The following ZFP1 variants were observed in gnomAD, a reference collection of about 807,000 sequenced individuals.
ZFP1 encodes the protein zinc finger protein 1 homolog.
Under a neutral mutation model 38.5 loss-of-function variants are expected in ZFP1, and 32 were observed. The ratio of observed to expected loss-of-function variants is 0.83; its 90% CI spans 0.63 to 1.12. The LOEUF (loss-of-function observed/expected upper bound fraction) is 1.12, where lower values mean the gene tolerates loss of function less well. Ranked by LOEUF, ZFP1 falls within the 50% of genes most tolerant of loss-of-function variation. The pLI, the probability that ZFP1 is intolerant of heterozygous loss-of-function variation, is 0.00. For missense variants in ZFP1, 616 were observed against 480.8 expected (o/e 1.28, Z -2.63); for synonymous variants, 245 against 168.8 (o/e 1.45, Z -3.50).
the ZFP1 span, among the ~76,000 whole-genome samples, chr16:75,135,875 C>G: frequency 6.6e-6 from 1 of 152,176 alleles, no homozygotes; most frequent in Non-Finnish European, 1.5e-5. Flanking sequence ...AGTACAGTGG[C>G]CCAATCTTGG....
At chr16:75,127,750 A>T in the ZFP1 span, 1 of 152,232 alleles carries the variant, frequency 6.6e-6, no homozygotes, top group African/African-American at 2.4e-5. Flanking sequence ...AATTAACTGC[A>T]TGGACTAAAC....
rs552810415 is a variant in ZFP1, at chr16:75,163,149, C to T, written c.16-3621C>T. Among the ~76,000 whole-genome samples, 6 of 151,922 alleles carry T rather than the reference C, an allele frequency of 3.9e-5. No homozygotes were observed. The East Asian group carries it at 9.8e-4, about 25-fold the overall frequency. On this transcript the variant is annotated intron_variant, in intron 2 of 3. Coordinates refer to ENST00000570010, the MANE Select transcript of ZFP1 (RefSeq NM_153688.4). ...GTCTCGAACTCCTGACCTCGTGATC[C>T]ACCTGCCTCGGCCTCCCAAAGTGTT...
chr16:75,155,632 A>G (rs7501186), intron 2 of ZFP1, among the ~76,000 whole-genome samples: 119,075 of 152,094 alleles, frequency 0.78, 47,794 homozygotes, highest in Non-Finnish European at 0.87. Flanking sequence ...AAGAATAATA[A>G]TAAAATGGGT....
At chr16:75,140,289 C>T in the ZFP1 span, among the ~76,000 whole-genome samples, 1 of 151,648 alleles carries the variant, frequency 6.6e-6, no homozygotes, top group Non-Finnish European at 1.5e-5. Context: ...AAAGTTGAGG[C>T]CAGGTGTGGT....
At chr16:75,156,512 G>A (rs1237097546) in intron 2 of ZFP1, among the ~76,000 whole-genome samples, 1 of 152,056 alleles carries the variant, frequency 6.6e-6, no homozygotes, top group Non-Finnish European at 1.5e-5. Context: ...AGCCTCCCAG[G>A]AAAAGATGAG....
chr16:75,150,209 C>CT (rs35346527), intron 1 of ZFP1, among the ~76,000 whole-genome samples: 39 of 100,210 alleles, frequency 3.9e-4, no homozygotes, highest in South Asian at 1.3e-3. Flanking sequence ...TTTTCCAGAT[C>CT]TTTTTTTTTT....
rs2145597905 is a variant in ZFP1 at position 75,171,914 on chromosome 16, A to G, written c.*1580A>G. 6.6e-6 allele frequency: 1 copy of G among 152,366 alleles called. No individual in the cohort carries two copies. Among genetic ancestry groups the G allele is most frequent in the African/African-American group, 2.4e-5 (1 of 41,586 alleles). 9.4% of individuals were successfully genotyped at this position (152,366 alleles called of 1,614,324 possible). On this transcript the variant is annotated 3_prime_UTR_variant, in exon 4 of 4. Coordinates refer to ENST00000570010, the MANE Select transcript of ZFP1 (RefSeq NM_153688.4). ...ACATTGTGAGTCTGTTTTAACATTA[A>G]TATACTCTTACAACCTAGGAATCTC...
chr16:75,135,209 C>CAAAAAAAAAAAAAAAAAAAAAA, the ZFP1 span, among the ~76,000 whole-genome samples: 3 of 14,958 alleles, frequency 2.0e-4, 1 homozygote, highest in Non-Finnish European at 3.4e-4. Flanking sequence ...GACCTTATCT[C>CAAAAAAAAAAAAAAAAAAAAAA]AAAAAAAAAA....
At chr16:75,139,513 G>A in the ZFP1 span, among the ~76,000 whole-genome samples, 1 of 151,772 alleles carries the variant, frequency 6.6e-6, no homozygotes, top group Admixed American at 6.6e-5. Context: ...GCAACAGAGA[G>A]AGACCCCATC....
chr16:75,155,019 G>T (rs189615330), intron 2 of ZFP1, among the ~76,000 whole-genome samples: 259 of 152,180 alleles, frequency 1.7e-3, no homozygotes, highest in Middle Eastern at 6.8e-3. Flanking sequence ...GGCTGGTCTC[G>T]AACTCCTGGG....
At chr16:75,147,820 C>G (rs2036973760), upstream of ZFP1, among the ~76,000 whole-genome samples, 1 of 152,124 alleles carries the variant, frequency 6.6e-6, no homozygotes, top group Non-Finnish European at 1.5e-5. Context: ...CTCAGTTATG[C>G]AAGATGAGTA....
the ZFP1 span, among the ~76,000 whole-genome samples, chr16:75,134,758 A>C: frequency 6.8e-6 from 1 of 146,766 alleles, no homozygotes; most frequent in Admixed American, 6.8e-5. Context: ...CTCAAAAAAA[A>C]AAAAATTAGC....
chr16:75,140,393 A>C, the ZFP1 span, among the ~76,000 whole-genome samples: 2 of 152,140 alleles, frequency 1.3e-5, no homozygotes, highest in African/African-American at 4.8e-5. Flanking sequence ...ACAGAGCGAG[A>C]TCTTGTCTCT....
At chr16:75,141,995 C>T in the ZFP1 span, among the ~76,000 whole-genome samples, 20 of 149,472 alleles carry the variant, frequency 1.3e-4, no homozygotes, top group Middle Eastern at 0.01. Context: ...CAGACATTGC[C>T]GTGAGCCGAG....
upstream of ZFP1, among the ~76,000 whole-genome samples, chr16:75,146,692 A>C (rs1311160987): frequency 6.6e-6 from 1 of 152,076 alleles, no homozygotes; most frequent in Non-Finnish European, 1.5e-5. Context: ...TAATCCCCGC[A>C]CTTTGGGAGG....
intron 2 of ZFP1, 60 bp from the exon 3 acceptor site, chr16:75,166,710 T>TCTATC (rs2038105189): frequency 1.2e-6 from 2 of 1,612,508 alleles, no homozygotes; most frequent in South Asian, 2.2e-5. Context: ...AAAGTTTTCA[T>TCTATC]CTATCCTTTC....
chr16:75,120,638 G>T, the ZFP1 span, among the ~76,000 whole-genome samples: 1 of 151,266 alleles, frequency 6.6e-6, no homozygotes, highest in Non-Finnish European at 1.5e-5. Context: ...GTTTCACTCT[G>T]TCGCCCAGGC....
chr16:75,160,397 G>A (rs1451669244), intron 2 of ZFP1, among the ~76,000 whole-genome samples: 1 of 151,734 alleles, frequency 6.6e-6, no homozygotes, highest in Non-Finnish European at 1.5e-5. Flanking sequence ...AATCCCATCT[G>A]TACTAAACCC....
the ZFP1 span, among the ~76,000 whole-genome samples, chr16:75,123,675 A>T: frequency 6.6e-6 from 1 of 150,958 alleles, no homozygotes; most frequent in South Asian, 2.1e-4. Flanking sequence ...ACAGAGTTTC[A>T]CTATGTTGCC....
Sources: allele counts gnomAD v4.1 joint callset (sites outside exome capture counted in the v4.1 genomes callset), GRCh38; gene constraint gnomAD v4.1.1; transcripts MANE v1.5; gene names NCBI Gene and HGNC (gene_info 2026-07-23, HGNC 2026-07-21).